The following FUT9 variants were observed in gnomAD, a reference collection of about 807,000 sequenced individuals.
FUT9 encodes 4-galactosyl-N-acetylglucosaminide 3-alpha-L-fucosyltransferase 9.
Under a neutral mutation model 29.7 loss-of-function variants are expected in FUT9, and 15 were observed. The observed-to-expected ratio is 0.51, with a 90% confidence interval of 0.34 to 0.78. The LOEUF is 0.78. FUT9 is among the 30% of genes least tolerant of loss of function. The pLI, the probability that FUT9 is intolerant of heterozygous loss-of-function variation, is 0.01. For synonymous variants in FUT9, 169 were observed against 153.7 expected (o/e 1.10, Z -0.74); for missense variants, 319 against 425.4 (o/e 0.75, Z 2.20).
At chr6:96,203,055 C>T (rs895253188) in intron 2 of FUT9, 93 bp from the exon 3 acceptor site, 24 of 920,032 alleles carry the variant, frequency 2.6e-5, no homozygotes, top group Middle Eastern at 2.3e-4. Flanking sequence ...TTGTTTATCT[C>T]ATATTTATGA....
intron 2 of FUT9, among the ~76,000 whole-genome samples, chr6:96,145,715 G>A (rs1243371332): frequency 6.6e-6 from 1 of 152,196 alleles, no homozygotes; most frequent in Non-Finnish European, 1.5e-5. Flanking sequence ...GCAAAGGCCT[G>A]AGGCAGGCTG....
chr6:96,086,593 C>T (rs553811122), intron 1 of FUT9, among the ~76,000 whole-genome samples: 1 of 152,200 alleles, frequency 6.6e-6, no homozygotes, highest in Non-Finnish European at 1.5e-5. Context: ...ATATTTTCTT[C>T]CATTAGCTGT....
At chr6:96,182,320 TG>T (rs1161613279) in intron 2 of FUT9, among the ~76,000 whole-genome samples, 2 of 152,086 alleles carry the variant, frequency 1.3e-5, no homozygotes, top group African/African-American at 4.8e-5. Flanking sequence ...TCTGTATATT[TG>T]TCCTTTGTCA....
In FUT9 at chr6:96,209,659, A is replaced by G. The variant is rs547948191; in HGVS notation, c.*5424A>G. 6.0e-6 allele frequency: 1 copy of G among 166,954 alleles called. No homozygotes were observed. The highest frequency in any genetic ancestry group is 1.5e-5 in the Non-Finnish European group (1 of 68,046). The allele number at this position is 166,954 out of a possible 1,614,324, so 10.3% of individuals were successfully genotyped here. ...AAGTAAGCTAGATTGAGTTCATTTG[A>G]ACATTTAGTTATTTTTTAGCTCATA... is the stretch of plus-strand genomic sequence containing the variant. On this transcript the variant is annotated 3_prime_UTR_variant, in exon 3 of 3. Transcript: ENST00000302103.
At chr6:96,191,595 T>G (rs1419490173) in intron 2 of FUT9, among the ~76,000 whole-genome samples, 1 of 152,060 alleles carries the variant, frequency 6.6e-6, no homozygotes, top group African/African-American at 2.4e-5. Flanking sequence ...ATTAATAGCT[T>G]ACCAACTAAA....
In FUT9 at chr6:96,092,739, G is replaced by A. The variant is rs114479451; in HGVS notation, c.-97-21300G>A. ...TTCAGGAGATGCGAGGTCAAATTCC[G>A]TCATTTTTCTTTATAACATTTCATA... On this transcript the variant is annotated intron_variant, in intron 1 of 2. Transcript: ENST00000302103. 3.3e-3 allele frequency among the ~76,000 whole-genome samples: 496 copies of A among 152,006 alleles called. 3 individuals carry two copies. Among genetic ancestry groups the A allele is most frequent in the Middle Eastern group, 0.014 (4 of 294 alleles).
At chr6:96,149,728 T>A (rs1772641877) in intron 2 of FUT9, among the ~76,000 whole-genome samples, 1 of 152,208 alleles carries the variant, frequency 6.6e-6, no homozygotes, top group South Asian at 2.1e-4. Context: ...TGTAGATATA[T>A]AATAGTTGTA....
intron 1 of FUT9, among the ~76,000 whole-genome samples, chr6:96,053,728 A>G (rs1260069533): frequency 5.3e-5 from 8 of 152,170 alleles, no homozygotes; most frequent in Non-Finnish European, 1.2e-4. Context: ...AAATAAATTT[A>G]TTAACAAACA....
At chr6:96,128,467 T>C (rs1041692466) in intron 2 of FUT9, among the ~76,000 whole-genome samples, 1 of 152,214 alleles carries the variant, frequency 6.6e-6, no homozygotes, top group Non-Finnish European at 1.5e-5. Flanking sequence ...TATTAAATAG[T>C]TCATAACATT....
intron 2 of FUT9, among the ~76,000 whole-genome samples, chr6:96,159,312 G>C (rs865794091): frequency 3.9e-5 from 6 of 152,048 alleles, no homozygotes; most frequent in Admixed American, 1.3e-4. Context: ...CAGGGATGCA[G>C]GAATTGATGT....
At chr6:96,161,572 A>T (rs535900638) in intron 2 of FUT9, among the ~76,000 whole-genome samples, 2 of 152,328 alleles carry the variant, frequency 1.3e-5, no homozygotes, top group South Asian at 4.1e-4. Flanking sequence ...TCTTTTGAAG[A>T]ATTTAAATAG....
At chr6:96,080,552 A>T (rs1771217472) in intron 1 of FUT9, among the ~76,000 whole-genome samples, 2 of 152,032 alleles carry the variant, frequency 1.3e-5, no homozygotes, top group Non-Finnish European at 2.9e-5. Flanking sequence ...ATATTGGGAA[A>T]ATTATGATAA....
intron 1 of FUT9, among the ~76,000 whole-genome samples, chr6:96,035,271 T>C (rs558246004): frequency 2.0e-5 from 3 of 151,610 alleles, no homozygotes; most frequent in African/African-American, 7.2e-5. Context: ...AGAGATCCTA[T>C]TTATTCTGGG....
chr6:96,020,183 C>T (rs2127920568), intron 1 of FUT9, among the ~76,000 whole-genome samples: 1 of 152,166 alleles, frequency 6.6e-6, no homozygotes, highest in Admixed American at 6.5e-5. Flanking sequence ...AATCTTTTAA[C>T]ATTTTTGCAT....
intron 1 of FUT9, among the ~76,000 whole-genome samples, chr6:96,038,838 C>A (rs934447068): frequency 6.6e-6 from 1 of 152,174 alleles, no homozygotes; most frequent in African/African-American, 2.4e-5. Flanking sequence ...CCTGAATGAC[C>A]TTCTTTGCAC....
chr6:96,029,386 T>G (rs554625150), intron 1 of FUT9, among the ~76,000 whole-genome samples: 1 of 151,548 alleles, frequency 6.6e-6, no homozygotes, highest in Non-Finnish European at 1.5e-5. Context: ...GGAGGGAGCC[T>G]CTTGGTAATA....
At chr6:96,106,258 G>C (rs11965209) in intron 1 of FUT9, among the ~76,000 whole-genome samples, 1 of 107,546 alleles carries the variant, frequency 9.3e-6, no homozygotes, top group African/African-American at 3.1e-5. Flanking sequence ...TCTTCTTAAT[G>C]CTTCCTCTAT....
At chr6:96,160,666 T>A (rs1005310798) in intron 2 of FUT9, among the ~76,000 whole-genome samples, 1 of 152,176 alleles carries the variant, frequency 6.6e-6, no homozygotes, top group African/African-American at 2.4e-5. Flanking sequence ...TAGATATTGA[T>A]GACTTTCACA....
intron 2 of FUT9, among the ~76,000 whole-genome samples, chr6:96,161,320 A>C (rs1772897500): frequency 6.6e-6 from 1 of 152,180 alleles, no homozygotes; most frequent in East Asian, 1.9e-4. Flanking sequence ...GAGCCGATAC[A>C]GTTAGAAGAT....
Sources: gnomAD v4.1 joint callset for allele counts (sites outside exome capture counted in the v4.1 genomes callset) on GRCh38, gnomAD v4.1.1 for gene constraint, MANE v1.5 for transcripts, NCBI Gene and HGNC (gene_info 2026-07-23, HGNC 2026-07-21) for gene names.